Variants in LRRC27 observed in about 807,000 individuals in gnomAD.
LRRC27 encodes the protein leucine-rich repeat-containing protein 27.
A neutral mutation model predicts 55.0 loss-of-function variants in LRRC27; 57 were observed. The observed-to-expected ratio is 1.04, with a 90% confidence interval of 0.84 to 1.29. The LOEUF is 1.29. LRRC27 is among the 50% of genes most tolerant of loss of function. LRRC27 has a pLI of 0.00. For synonymous variants in LRRC27, 278 were observed against 251.9 expected (o/e 1.10, Z -0.98); for missense variants, 721 against 651.5 (o/e 1.11, Z -1.16).
intron 3 of LRRC27, among the ~76,000 whole-genome samples, chr10:132,337,971 C>G (rs2067214424): frequency 6.6e-6 from 1 of 152,202 alleles, no homozygotes; most frequent in Non-Finnish European, 1.5e-5. Context: ...CCAGCTCTGA[C>G]TCTCCTTGTG....
Position 132,374,327 on chromosome 10 carries a change from A to T in LRRC27, c.1417-739A>T, listed in dbSNP as rs1239862019. Among the ~76,000 whole-genome samples the T allele has an allele frequency of 6.6e-6, 1 of 151,926 alleles. No homozygotes were observed. The highest frequency in any genetic ancestry group is 1.5e-5 in the Non-Finnish European group (1 of 67,976). On this transcript the variant is annotated intron_variant, in intron 10 of 10. Transcript: ENST00000368614. This position sits in a 1 kb window ranked among gnomAD's most constrained non-coding sequence, Gnocchi z 4.4. Reference sequence around the variant, plus strand: ...CCCCAGCAAGGCAAGCCGGGGAGGGAGACGGGAGCCGGGTGGCCCAGGGCT... The same window carrying T: ...CCCCAGCAAGGCAAGCCGGGGAGGGTGACGGGAGCCGGGTGGCCCAGGGCT...
intron 6 of LRRC27, chr10:132,351,346 C>T (rs759116549): frequency 6.1e-5 from 25 of 411,542 alleles, no homozygotes; most frequent in Non-Finnish European, 8.1e-5. Flanking sequence ...TTTCCCAAGC[C>T]GACTGTCAAG....
chr10:132,347,310 C>G (rs2067751981), intron 5 of LRRC27, among the ~76,000 whole-genome samples: 1 of 148,012 alleles, frequency 6.8e-6, no homozygotes, highest in African/African-American at 2.5e-5. Flanking sequence ...GTCAGGCGTG[C>G]TCAGTGGGGC....
At chr10:132,335,856 A>G (rs2067102928) in intron 2 of LRRC27, among the ~76,000 whole-genome samples, 1 of 152,176 alleles carries the variant, frequency 6.6e-6, no homozygotes, top group Non-Finnish European at 1.5e-5. Context: ...ATAAGAACGG[A>G]CAAAACGAGC....
chr10:132,366,951 C>T (rs1326384795), intron 10 of LRRC27: 1 of 1,283,260 alleles, frequency 7.8e-7, no homozygotes, highest in East Asian at 5.7e-5. Flanking sequence ...TTTTCCTCCT[C>T]AGCCCAAGGA....
At chr10:132,364,553 CCACACTTA>C in intron 9 of LRRC27, among the ~76,000 whole-genome samples, 1 of 48,332 alleles carries the variant, frequency 2.1e-5, no homozygotes, top group Non-Finnish European at 4.2e-5. Flanking sequence ...ACCTCCACAC[CCACACTTA>C]CACCCACGTC....
chr10:132,355,818 G>T lies in LRRC27; in HGVS notation c.1102G>T (p.Glu368Ter). 6.4e-7 allele frequency: 1 copy of T among 1,556,500 alleles called. No homozygotes were observed. The highest frequency in any genetic ancestry group is 8.7e-7 in the Non-Finnish European group (1 of 1,149,778). ...GAAAAGGGCACTGCAGGAGTGGAGA[G>T]AGCGAGCCCAGAGGATGAGGAAGAG... Reference protein sequence around the residue: ...REKRALQEWRERAQRMRKRKE... With the variant: ...REKRALQEWR Residue 368 changes from glutamate (E) to a stop codon, truncating the protein, a stop_gained, in exon 8 of 11, where the codon GAG (glutamate) becomes TAG (stop). Transcript: ENST00000368614. LOFTEE classifies it high-confidence loss of function.
upstream of LRRC27, chr10:132,331,913 A>G (rs1246615471): frequency 7.4e-5 from 53 of 719,942 alleles, no homozygotes; most frequent in Admixed American, 1.7e-4. Context: ...CAGGCGCACC[A>G]CAACCCCCCC....
intron 10 of LRRC27, among the ~76,000 whole-genome samples, chr10:132,373,123 A>G (rs780200208): frequency 4.6e-5 from 7 of 152,198 alleles, no homozygotes; most frequent in Non-Finnish European, 1.0e-4. Context: ...GAAAGTGAAC[A>G]CTCAGGTAAC....
intron 3 of LRRC27, among the ~76,000 whole-genome samples, chr10:132,341,247 T>A (rs1019992280): frequency 4.6e-5 from 7 of 152,158 alleles, no homozygotes; most frequent in African/African-American, 1.7e-4. Context: ...GTACACACCG[T>A]TAGTCTCAGC....
At chr10:132,340,964 G>C (rs1240413722) in intron 3 of LRRC27, among the ~76,000 whole-genome samples, 1 of 151,814 alleles carries the variant, frequency 6.6e-6, no homozygotes, top group Admixed American at 6.6e-5. Flanking sequence ...TAAGTAATCT[G>C]ATTTTCCTGT....
In LRRC27 at chr10:132,381,129, C is replaced by G. The variant is rs1203559472; in HGVS notation, c.*5887C>G. Among the ~76,000 whole-genome samples, 4 of 152,170 alleles carry G rather than the reference C, an allele frequency of 2.6e-5. No homozygotes were observed. Among genetic ancestry groups the G allele is most frequent in the African/African-American group, 7.2e-5 (3 of 41,430 alleles). ...GTCAGTGGACTGGGAGAAGACCCACCACAGTGTGGGCAGGCACCATCCAGT... is the reference window on the plus strand; with the variant it reads ...GTCAGTGGACTGGGAGAAGACCCACGACAGTGTGGGCAGGCACCATCCAGT... On this transcript the variant is annotated 3_prime_UTR_variant, in exon 11 of 11. Coordinates refer to ENST00000368614, the MANE Select transcript of LRRC27 (RefSeq NM_030626.3).
chr10:132,337,533 A>G (rs761072180), intron 2 of LRRC27, 32 bp from the exon 3 acceptor site: 1 of 1,607,002 alleles, frequency 6.2e-7, no homozygotes, highest in Non-Finnish European at 8.5e-7. Flanking sequence ...GTTGGTTAAC[A>G]AAACATTCTC....
chr10:132,337,620 T>C lies in LRRC27; in HGVS notation c.266T>C (p.Leu89Ser), dbSNP rs891694467. 14 of 1,614,224 alleles carry C rather than the reference T, an allele frequency of 8.7e-6. No individual in the cohort carries two copies. The highest frequency in any genetic ancestry group is 1.2e-5 in the Non-Finnish European group (14 of 1,180,028). The change falls in exon 3 of 11, where the codon TTG (leucine) becomes TCG (serine). Residue 89 changes from leucine to serine, a missense_variant. Leu to Ser is a moderately radical substitution (Grantham distance 145, BLOSUM62 -2). Transcript: ENST00000368614. ...LCVIPQDFFQ[L>S]LPNLTWLDLR... ...GTGATTCCTCAAGATTTCTTTCAGT[T>C]GCTTCCGAACCTGACTTGGCTGGAC...
rs2068608374 is a variant in LRRC27, at chr10:132,361,379, A to C, written c.1171-78A>C. 8.9e-6 allele frequency: 11 copies of C among 1,239,774 alleles called. No homozygotes were observed. The South Asian group carries it at 1.1e-4, about 12-fold the overall frequency. 76.8% of individuals were successfully genotyped at this position (1,239,774 alleles called of 1,614,324 possible). A position where few individuals can be genotyped will look rare whatever the true frequency, so the allele number is the denominator to read the frequency against. On this transcript the variant is annotated intron_variant, in intron 8 of 10. Transcript: ENST00000368614. ...CTCTTCGTGGACGAGGAGCTAGTCT[A>C]ACACACCTTGCAGGTTAGCTTTGTG...
intron 8 of LRRC27, among the ~76,000 whole-genome samples, chr10:132,359,154 C>CAGCGTGGGGAGGTGCTGAGGTGGTGG (rs1564847134): frequency 1.1e-5 from 1 of 87,994 alleles, no homozygotes; most frequent in African/African-American, 3.0e-5. Flanking sequence ...GGTGGTGGAG[C>CAGCGTGGGGAGGTGCTGAGGTGGTGG]AGCGTGGGGA....
Position 132,337,604 on chromosome 10 carries a change from C to T in LRRC27, c.250C>T (p.Gln84Ter), listed in dbSNP as rs756017637. 1.2e-6 allele frequency: 2 copies of T among 1,614,162 alleles called. No individual in the cohort carries two copies. The highest frequency in any genetic ancestry group is 2.2e-5 in the East Asian group (1 of 44,888). Residue 84 changes from glutamine to a stop codon, truncating the protein, a stop_gained, in exon 3 of 11, where the codon CAA becomes TAA. Coordinates refer to ENST00000368614, the MANE Select transcript of LRRC27 (RefSeq NM_030626.3). LOFTEE classifies it high-confidence loss of function. Reference sequence around the variant, plus strand: ...AAGGAATGCCCTGTGTGTGATTCCTCAAGATTTCTTTCAGTTGCTTCCGAA... The same window carrying T: ...AAGGAATGCCCTGTGTGTGATTCCTTAAGATTTCTTTCAGTTGCTTCCGAA... ...LQRNALCVIPQDFFQLLPNLT... is the reference protein window; with the variant it reads ...LQRNALCVIP
chr10:132,348,423 CT>C lies in LRRC27; in HGVS notation c.926+70del, dbSNP rs1160844788. The C allele has an allele frequency of 6.5e-6, 10 of 1,549,992 alleles. No individual in the cohort carries two copies. The Admixed American group carries it at 2.0e-4, about 30-fold the overall frequency. On this transcript the variant is annotated intron_variant, in intron 6 of 10. Coordinates refer to ENST00000368614, the MANE Select transcript of LRRC27 (RefSeq NM_030626.3). The surrounding 1 kb of genome is among the most constrained non-coding windows in gnomAD (Gnocchi z 4.2). The stretch of plus-strand genomic sequence containing the variant: ...AATTTATACAGTTATTTTAAATTAT[CT>C]TTGAAAACATCAGGTCCAGCTTTTA...
At chr10:132,343,671 G>A (rs1240044776) in intron 4 of LRRC27, among the ~76,000 whole-genome samples, 1 of 152,252 alleles carries the variant, frequency 6.6e-6, no homozygotes, top group African/African-American at 2.4e-5. Context: ...CAAGGCATTT[G>A]CAGTTTGTAG....
Sources: gnomAD v4.1 joint callset for allele counts (sites outside exome capture counted in the v4.1 genomes callset) on GRCh38, gnomAD v4.1.1 for gene constraint, Gnocchi (gnomAD v3.1) non-coding constraint, MANE v1.5 for transcripts, NCBI Gene and HGNC (gene_info 2026-07-23, HGNC 2026-07-21) for gene names.